Variants in ATP5PO observed in about 807,000 individuals in gnomAD.
ATP5PO encodes the protein ATP synthase peripheral stalk subunit OSCP, mitochondrial.
In ATP5PO, 14 loss-of-function variants were observed where a neutral mutation model predicts 26.2. That is an observed-to-expected ratio of 0.53 (90% CI 0.35 to 0.83). The LOEUF (loss-of-function observed/expected upper bound fraction) is 0.83. Ranked by LOEUF, ATP5PO falls within the 40% of genes least tolerant of loss-of-function variation. The probability of loss-of-function intolerance (pLI) is 0.01; values close to 1 mark genes in which losing one functional copy is unlikely to be tolerated. For synonymous variants in ATP5PO, 106 were observed against 95.1 expected (o/e 1.12, Z -0.67); for missense variants, 241 against 258.5 (o/e 0.93, Z 0.46).
At chr21:33,912,429 A>C in intron 2 of ATP5PO, 30 bp from the exon 3 acceptor site, 1 of 1,523,782 alleles carries the variant, frequency 6.6e-7, no homozygotes, top group Non-Finnish European at 9.1e-7. Flanking sequence ...TAGGAGAGGA[A>C]AGAAAAAGGA....
intron 5 of ATP5PO, 56 bp downstream of exon 5, chr21:33,907,285 A>C: frequency 6.9e-7 from 1 of 1,452,330 alleles, no homozygotes; most frequent in Non-Finnish European, 9.6e-7. Context: ...TTCTTCCTGC[A>C]AAAGGTGACA....
Position 33,903,970 on chromosome 21 carries a change from G to T in ATP5PO, c.493C>A (p.Leu165Ile). Reference sequence around the variant, plus strand: ...AATTTCAATACTTGGCCTTGACTTAGGAAGCTCTTGAGGACAGTTTTTAAT... The same window carrying T: ...AATTTCAATACTTGGCCTTGACTTATGAAGCTCTTGAGGACAGTTTTTAAT... ...SELKTVLKSF[L>I]SQGQVLKLEA... is the part of the protein sequence containing the mutation. Residue 165 changes from leucine to isoleucine, a missense_variant, in exon 6 of 7, where the codon CTA (leucine) becomes ATA (isoleucine). Leu to Ile is a conservative substitution (Grantham distance 5, BLOSUM62 2). This residue lies in a region of ATP5PO where 77 missense variants were observed against 74.5 expected (regional missense o/e 1.03). Transcript: ENST00000290299. The T allele has an allele frequency of 6.2e-7, 1 of 1,613,474 alleles. No homozygotes were observed. Among genetic ancestry groups the T allele is most frequent in the Non-Finnish European group, 8.5e-7 (1 of 1,179,768 alleles).
chr21:33,906,480 C>T (rs1987174233), intron 5 of ATP5PO: 1 of 340,634 alleles, frequency 2.9e-6, no homozygotes, highest in Non-Finnish European at 5.8e-6. Context: ...GACTTCATCT[C>T]CCTGCATTCG....
At chr21:33,914,231 A>C (rs1987285135) in intron 2 of ATP5PO, among the ~76,000 whole-genome samples, 1 of 152,194 alleles carries the variant, frequency 6.6e-6, no homozygotes, top group Non-Finnish European at 1.5e-5. Flanking sequence ...AAATGATTAA[A>C]AAGTTTTCAT....
intron 1 of ATP5PO, chr21:33,915,521 C>T (rs965269074): frequency 7.3e-6 from 5 of 686,670 alleles, no homozygotes; most frequent in Non-Finnish European, 1.1e-5. Context: ...AAGGTTACGG[C>T]ACGCGCAGCC....
intron 5 of ATP5PO, chr21:33,907,068 G>T: frequency 4.5e-6 from 2 of 440,566 alleles, no homozygotes; most frequent in South Asian, 2.4e-5. Context: ...ATATAATAGA[G>T]TCTAAACCAC....
Position 33,914,601 on chromosome 21 carries a change from T to C in ATP5PO, c.37-101A>G, listed in dbSNP as rs1987290214. 1.6e-5 allele frequency: 18 copies of C among 1,103,510 alleles called. No individual in the cohort carries two copies. The South Asian group carries it at 2.5e-4, about 15-fold the overall frequency. 68.4% of individuals were successfully genotyped at this position (1,103,510 alleles called of 1,614,324 possible). On this transcript the variant is annotated intron_variant, in intron 1 of 6. Coordinates refer to ENST00000290299, the MANE Select transcript of ATP5PO (RefSeq NM_001697.3). ...AAATTTTAAATAACCTTAAAATCAT[T>C]ACTTTTGTCTCTTTGTATATTCACA... is the stretch of plus-strand genomic sequence containing the variant.
chr21:33,914,456 AAGCTTGGCAAAT>A lies in ATP5PO; in HGVS notation c.69_80del (p.Phe24_Leu27del). Reference sequence around the variant, plus strand: ...AGAATATAAATTAACATACCCTCACAAGCTTGGCAAATGGTCTGACCACAGAGGTACTGAAGC... The same window carrying A: ...AGAATATAAATTAACATACCCTCACAGGTCTGACCACAGAGGTACTGAAGC... On this transcript the variant is annotated inframe_deletion, in exon 2 of 7. Transcript: ENST00000290299. 1 of 1,613,066 alleles carries A rather than the reference AAGCTTGGCAAAT, an allele frequency of 6.2e-7. No individual in the cohort carries two copies. Among genetic ancestry groups the A allele is most frequent in the Non-Finnish European group, 8.5e-7 (1 of 1,179,446 alleles).
chr21:33,911,665 T>A (rs1391219268), intron 3 of ATP5PO, among the ~76,000 whole-genome samples: 1 of 125,590 alleles, frequency 8.0e-6, no homozygotes, highest in African/African-American at 3.4e-5. Context: ...AGCATAGGTT[T>A]TTTTTTTTTT....
chr21:33,906,988 CA>C (rs1569366137), intron 5 of ATP5PO: 1 of 339,598 alleles, frequency 2.9e-6, no homozygotes, highest in Non-Finnish European at 5.8e-6. Flanking sequence ...GACTCTGTCT[CA>C]AAAAAATAAA....
In ATP5PO at chr21:33,908,223, G is replaced by A. The variant is rs189144817; in HGVS notation, c.329-770C>T. On this transcript the variant is annotated intron_variant, in intron 4 of 6. Coordinates refer to ENST00000290299, the MANE Select transcript of ATP5PO (RefSeq NM_001697.3). ...GAAGATACAACTTGTTATTTAAAAC[G>A]CATATCCAATTTTTTTTTTTTTAAA... is the stretch of plus-strand genomic sequence containing the variant. Among the ~76,000 whole-genome samples, 9 of 149,448 alleles carry A rather than the reference G, an allele frequency of 6.0e-5. No homozygotes were observed. The East Asian group carries it at 1.4e-3, about 23-fold the overall frequency.
chr21:33,907,547 G>T, intron 4 of ATP5PO, 94 bp from the exon 5 acceptor site: 1 of 1,117,286 alleles, frequency 9.0e-7, no homozygotes. Flanking sequence ...ACTTAGATTT[G>T]TGGCCTTAAA....
chr21:33,914,374 C>T, intron 2 of ATP5PO, 76 bp downstream of exon 2: 11 of 1,448,540 alleles, frequency 7.6e-6, no homozygotes, highest in Non-Finnish European at 9.6e-6. Context: ...CACAAAAATC[C>T]ACGCCCTGAC....
At chr21:33,914,653 ATTACTAAGGGGTAAAC>A in intron 1 of ATP5PO, 153 bp from the exon 2 acceptor site, 1 of 648,242 alleles carries the variant, frequency 1.5e-6, no homozygotes, top group Non-Finnish European at 2.6e-6. Flanking sequence ...GCTACTTACT[ATTACTAAGGGGTAAAC>A]TTACCCAATG....
intron 5 of ATP5PO, chr21:33,906,326 A>G (rs1987172305): frequency 4.1e-6 from 1 of 242,038 alleles, no homozygotes; most frequent in Non-Finnish European, 8.2e-6. Flanking sequence ...ACTGAGTTAC[A>G]TAGGGAAGAA....
At chr21:33,908,470 A>G (rs1281335633) in intron 4 of ATP5PO, among the ~76,000 whole-genome samples, 1 of 152,168 alleles carries the variant, frequency 6.6e-6, no homozygotes, top group East Asian at 1.9e-4. Context: ...CACTTTGGGA[A>G]GCCAAAGCAG....
Position 33,915,773 on chromosome 21 carries a change from G to C in ATP5PO, c.-10C>G, listed in dbSNP as rs760629150. On this transcript the variant is annotated 5_prime_UTR_variant, in exon 1 of 7. Transcript: ENST00000290299. ...CTGCTGGGGCAGCCATCTTCTCCCG[G>C]GCGGCTGTAGGTCAAACCCGAGTGG... is the stretch of plus-strand genomic sequence containing the variant. 8.3e-6 allele frequency: 13 copies of C among 1,567,082 alleles called. No individual in the cohort carries two copies. The South Asian group carries it at 1.2e-4, about 14-fold the overall frequency.
At position 33,912,087 on chromosome 21, in the gene ATP5PO, TA is replaced by T. The variant is rs1161256178; in HGVS notation, c.198+201del. Among the ~76,000 whole-genome samples the T allele has an allele frequency of 2.6e-5, 4 of 152,370 alleles. No homozygotes were observed. In the South Asian group the frequency reaches 8.3e-4, roughly 32 times the overall value. ...AGCCCCTAATCTTGGTTCCTAATAT[TA>T]ATATCCTTATATGTATCTGTTTGTT... On this transcript the variant is annotated intron_variant, in intron 3 of 6. Transcript: ENST00000290299.
chr21:33,909,362 C>T (rs1468277090), intron 3 of ATP5PO, 151 bp from the exon 4 acceptor site: 5 of 784,028 alleles, frequency 6.4e-6, no homozygotes, highest in Middle Eastern at 7.7e-4. Context: ...CTCACACAAC[C>T]TCCACATCCC....
Sources: gnomAD v4.1 joint callset for allele counts (sites outside exome capture counted in the v4.1 genomes callset) on GRCh38, gnomAD v4.1.1 for gene constraint, gnomAD v4.1.1 regional missense constraint, MANE v1.5 for transcripts, NCBI Gene and HGNC (gene_info 2026-07-23, HGNC 2026-07-21) for gene names.